Variants in MVB12B observed in about 807,000 individuals in gnomAD.
MVB12B encodes multivesicular body subunit 12B.
A neutral mutation model predicts 41.6 loss-of-function variants in MVB12B; 16 were observed. That is an observed-to-expected ratio of 0.38 (90% CI 0.26 to 0.58). MVB12B has a LOEUF of 0.58. Ranked by LOEUF, MVB12B falls within the 20% of genes least tolerant of loss-of-function variation. The pLI is 0.62. For synonymous variants in MVB12B, 133 were observed against 139.7 expected, an observed-to-expected ratio of 0.95 and a Z score of 0.34; for missense variants, 274 against 380.2, an observed-to-expected ratio of 0.72 and a Z score of 2.32.
chr9:126,354,652 C>T (rs1432503677), intron 2 of MVB12B, among the ~76,000 whole-genome samples: 1 of 152,060 alleles, frequency 6.6e-6, no homozygotes, highest in East Asian at 1.9e-4. Context: ...TGTAAATGAC[C>T]ACATGGATAT....
intron 7 of MVB12B, among the ~76,000 whole-genome samples, chr9:126,458,803 A>C (rs1833035985): frequency 6.6e-6 from 1 of 152,228 alleles, no homozygotes; most frequent in Non-Finnish European, 1.5e-5. Context: ...AGAAAGGTTC[A>C]AGGAAGGAAA....
At chr9:126,394,224 A>G (rs1353934480) in intron 5 of MVB12B, among the ~76,000 whole-genome samples, 3 of 152,244 alleles carry the variant, frequency 2.0e-5, no homozygotes, top group Non-Finnish European at 2.9e-5. Flanking sequence ...AGAAGCACCC[A>G]TTTACATACA....
intron 6 of MVB12B, among the ~76,000 whole-genome samples, chr9:126,414,467 G>A (rs1240023101): frequency 6.6e-6 from 1 of 152,154 alleles, no homozygotes; most frequent in Non-Finnish European, 1.5e-5. Context: ...TTTAGGGACT[G>A]TTCCAGTTAC....
At chr9:126,416,400 C>T (rs146016956) in intron 6 of MVB12B, among the ~76,000 whole-genome samples, 468 of 152,304 alleles carry the variant, frequency 3.1e-3, no homozygotes, top group Admixed American at 5.5e-3. Flanking sequence ...GGGCACTGCC[C>T]TCAACCACTA....
chr9:126,474,459 T>G (rs745703721), intron 7 of MVB12B, among the ~76,000 whole-genome samples: 16 of 152,152 alleles, frequency 1.1e-4, no homozygotes, highest in Admixed American at 2.0e-4. Flanking sequence ...TGCAAACCTC[T>G]AGATGTTTTA....
rs147439102 is a variant in MVB12B, at chr9:126,391,788, C to T, written c.410-278C>T. ...AGGTTTCTGATGGCTGAGCAGTGAG[C>T]AGATTGTGGTTGCGGCTCTTAGAAG... On this transcript the variant is annotated intron_variant, in intron 4 of 9. Transcript: ENST00000361171. This position sits in a 1 kb window ranked among gnomAD's most constrained non-coding sequence, Gnocchi z 4.4. 6.6e-6 allele frequency among the ~76,000 whole-genome samples: 1 copy of T among 152,332 alleles called. No homozygotes were observed. Among genetic ancestry groups the T allele is most frequent in the East Asian group, 1.9e-4 (1 of 5,180 alleles).
chr9:126,431,667 A>G (rs1832335774), intron 7 of MVB12B, among the ~76,000 whole-genome samples: 1 of 152,210 alleles, frequency 6.6e-6, no homozygotes, highest in Non-Finnish European at 1.5e-5. Flanking sequence ...AATGGGCCAC[A>G]TCCCCTTCTT....
intron 7 of MVB12B, among the ~76,000 whole-genome samples, chr9:126,438,504 C>T (rs1832549795): frequency 6.6e-6 from 1 of 152,168 alleles, no homozygotes; most frequent in African/African-American, 2.4e-5. Flanking sequence ...GGATCCAAGT[C>T]CAGGTGGTGT....
intron 7 of MVB12B, among the ~76,000 whole-genome samples, chr9:126,474,167 G>A (rs1253591868): frequency 1.3e-5 from 2 of 152,212 alleles, no homozygotes; most frequent in African/African-American, 4.8e-5. Flanking sequence ...GGAAGGGGCA[G>A]GTCAGGGGTG....
chr9:126,430,336 C>T (rs539759346), intron 7 of MVB12B, among the ~76,000 whole-genome samples: 5 of 152,200 alleles, frequency 3.3e-5, no homozygotes, highest in South Asian at 2.1e-4. Flanking sequence ...CTTTGTCTTG[C>T]GCTATGCTTG....
Position 126,503,200 on chromosome 9 carries a change from G to T in MVB12B, c.897G>T (p.Glu299Asp). ...AGTACGAGTACAGCTTCCGCACAGA[G>T]CAGAGCGCAGCCGCCAGGCTCCCGC... ...EKEYEYSFRT[E>D]QSAAARLPPS... The change falls in exon 10 of 10, where the codon GAG (glutamate) becomes GAT (aspartate). Residue 299 changes from glutamate (E) to aspartate (D), a missense_variant. Transcript: ENST00000361171. 1 of 1,550,848 alleles carries T rather than the reference G, an allele frequency of 6.4e-7. No homozygotes were observed.
chr9:126,438,068 A>G (rs1339000480), intron 7 of MVB12B, among the ~76,000 whole-genome samples: 5 of 152,262 alleles, frequency 3.3e-5, no homozygotes, highest in Admixed American at 3.3e-4. Context: ...TGTGTATAGA[A>G]CATAGCTGTT....
chr9:126,362,166 G>A (rs1830046996), intron 2 of MVB12B, among the ~76,000 whole-genome samples: 1 of 152,058 alleles, frequency 6.6e-6, no homozygotes, highest in African/African-American at 2.4e-5. Context: ...CATCAAATTT[G>A]TAATATTTCT....
rs74405200 is a variant in MVB12B, at chr9:126,468,097, C to T, written c.758-13272C>T. On this transcript the variant is annotated intron_variant, in intron 7 of 9. Coordinates refer to ENST00000361171, the MANE Select transcript of MVB12B (RefSeq NM_033446.3). The surrounding 1 kb of genome is among the most constrained non-coding windows in gnomAD (Gnocchi z 4.3). The stretch of plus-strand genomic sequence containing the variant: ...TACATCTGATTTTGATCCAATATCA[C>T]AGAGTACATTCTGATCTTCCCATTG... Among the ~76,000 whole-genome samples, 33 of 152,308 alleles carry T rather than the reference C, an allele frequency of 2.2e-4. No individual in the cohort carries two copies. In the East Asian group the frequency reaches 6.2e-3, roughly 28 times the overall value.
intron 9 of MVB12B, among the ~76,000 whole-genome samples, chr9:126,493,981 G>A (rs935886431): frequency 2.0e-5 from 3 of 152,108 alleles, no homozygotes; most frequent in African/African-American, 4.8e-5. Flanking sequence ...CCGACACCTC[G>A]GCAGGGACTT....
At position 126,376,485 on chromosome 9, in the gene MVB12B, G is replaced by A; in HGVS notation, c.205-4579G>A. 1 of 1,287,444 alleles carries A rather than the reference G, an allele frequency of 7.8e-7. No homozygotes were observed. Among genetic ancestry groups the A allele is most frequent in the Non-Finnish European group, 1.0e-6 (1 of 987,464 alleles). 79.8% of individuals were successfully genotyped at this position (1,287,444 alleles called of 1,614,324 possible). ...TCATGGGCTGGAGCCCTGTGGGTGG[G>A]GGGCCTGCTGGCTGGTGTGCTACAC... On this transcript the variant is annotated intron_variant, in intron 2 of 9. Transcript: ENST00000361171. The surrounding 1 kb of genome is among the most constrained non-coding windows in gnomAD (Gnocchi z 4.1).
chr9:126,359,671 G>A (rs181012009), intron 2 of MVB12B, among the ~76,000 whole-genome samples: 1 of 152,182 alleles, frequency 6.6e-6, no homozygotes, highest in East Asian at 1.9e-4. Flanking sequence ...TAATTCCTGG[G>A]CATAAAGCTG....
At chr9:126,388,283 C>A (rs1451620092) in intron 4 of MVB12B, among the ~76,000 whole-genome samples, 1 of 152,196 alleles carries the variant, frequency 6.6e-6, no homozygotes, top group African/African-American at 2.4e-5. Context: ...TAAATGGAAT[C>A]ATACAGCGTG....
chr9:126,367,000 C>A (rs1830200991), intron 2 of MVB12B, among the ~76,000 whole-genome samples: 1 of 152,176 alleles, frequency 6.6e-6, no homozygotes, highest in East Asian at 1.9e-4. Flanking sequence ...TCTGAATGTT[C>A]CCACGAGACA....
Sources: allele counts gnomAD v4.1 joint callset (sites outside exome capture counted in the v4.1 genomes callset), GRCh38; gene constraint gnomAD v4.1.1; non-coding constraint Gnocchi (gnomAD v3.1); transcripts MANE v1.5; gene names NCBI Gene and HGNC (gene_info 2026-07-23, HGNC 2026-07-21).